Variants in GOLM1 observed in about 807,000 individuals in gnomAD.
GOLM1 encodes epididymis luminal protein 46.
A neutral mutation model predicts 50.5 loss-of-function variants in GOLM1; 31 were observed. The observed-to-expected ratio is 0.61, with a 90% CI of 0.46 to 0.83. GOLM1 has a LOEUF of 0.83. Among genes scored for constraint, GOLM1 ranks in the 40% least tolerant of loss-of-function variants. GOLM1 has a pLI of 0.00. For synonymous variants in GOLM1, 178 were observed against 192.8 expected (o/e 0.92, Z 0.64); for missense variants, 491 against 501.3 (o/e 0.98, Z 0.20).
intron 1 of GOLM1, among the ~76,000 whole-genome samples, chr9:86,091,903 C>A (rs1835196855): frequency 6.6e-6 from 1 of 152,216 alleles, no homozygotes; most frequent in South Asian, 2.1e-4. Context: ...TGAGCAGCTA[C>A]CATGAGTCAG....
At chr9:86,099,364 GA>G (rs1563972664) in intron 1 of GOLM1, 46 bp downstream of exon 1, 1 of 151,744 alleles carries the variant, frequency 6.6e-6, no homozygotes, top group African/African-American at 2.4e-5. Flanking sequence ...GGGAGGAAGC[GA>G]TGGACCGCGG....
chr9:86,039,665 CTCAG>C (rs1413692626), intron 6 of GOLM1, among the ~76,000 whole-genome samples: 2 of 152,118 alleles, frequency 1.3e-5, no homozygotes, highest in African/African-American at 4.8e-5. Flanking sequence ...GGTATTCATA[CTCAG>C]TCAAAGATAC....
chr9:86,054,413 G>A (rs536571581), intron 3 of GOLM1, among the ~76,000 whole-genome samples: 25 of 152,170 alleles, frequency 1.6e-4, no homozygotes, highest in East Asian at 7.7e-4. Context: ...GAGTAGAGAT[G>A]GGGTTTCACC....
At position 86,035,576 on chromosome 9, in the gene GOLM1, C is replaced by A; in HGVS notation, c.807G>T (p.Arg269Ser). The A allele has an allele frequency of 6.2e-7, 1 of 1,608,114 alleles. No homozygotes were observed. Residue 269 changes from arginine to serine, a missense_variant, in exon 8 of 10, where the codon AGG becomes AGT. Physicochemically the swap from Arg to Ser is moderately radical, Grantham distance 110 (BLOSUM62 -1). Coordinates refer to ENST00000388712, the MANE Select transcript of GOLM1 (RefSeq NM_016548.4). ...GCTCCCGGCCTGGCTCCTGCGGCAG[C>A]CTGTCCCTCTGAGGCTCCTCATTCA... is the stretch of plus-strand genomic sequence containing the variant. ...QVVNEEPQRD[R>S]LPQEPGREQV... is the part of the protein sequence containing the mutation.
chr9:86,031,449 GT>G (rs774806772), intron 9 of GOLM1, among the ~76,000 whole-genome samples: 2,564 of 79,552 alleles, frequency 0.032, 67 homozygotes, highest in East Asian at 0.26. Context: ...TACCACTGAG[GT>G]TTTTTTTTTT....
At chr9:86,090,786 CAAAAAAAAAAA>C (rs776381865) in intron 1 of GOLM1, among the ~76,000 whole-genome samples, 9 of 41,276 alleles carry the variant, frequency 2.2e-4, no homozygotes, top group African/African-American at 3.0e-4. Context: ...ACTGGGGTAC[CAAAAAAAAAAA>C]AAAAAAAAAA....
chr9:86,087,702 G>A (rs2118885522), intron 1 of GOLM1, among the ~76,000 whole-genome samples: 1 of 152,320 alleles, frequency 6.6e-6, no homozygotes, highest in Non-Finnish European at 1.5e-5. Flanking sequence ...AGAGAACCAT[G>A]TGGTTTTTGC....
rs1832812628 is a variant in GOLM1, at chr9:86,027,219, C to T, written c.*598G>A. 1 of 985,296 alleles carries T rather than the reference C, an allele frequency of 1.0e-6. No individual in the cohort carries two copies. The highest frequency in any genetic ancestry group is 1.2e-6 in the Non-Finnish European group (1 of 829,920). 61.0% of individuals were successfully genotyped at this position (985,296 alleles called of 1,614,324 possible). Reference sequence around the variant, plus strand: ...TATACAAGTAGCCTTTTAAAAAATTCTCACACAGAACAGCTTTGTATTTAG... The same window carrying T: ...TATACAAGTAGCCTTTTAAAAAATTTTCACACAGAACAGCTTTGTATTTAG... On this transcript the variant is annotated 3_prime_UTR_variant, in exon 10 of 10. Coordinates refer to ENST00000388712, the MANE Select transcript of GOLM1 (RefSeq NM_016548.4).
chr9:86,027,490 C>T lies in GOLM1; in HGVS notation c.*327G>A. On this transcript the variant is annotated 3_prime_UTR_variant, in exon 10 of 10. Transcript: ENST00000388712. ...TTCTATAGGTGGCTGTTAATTTACA[C>T]AAAGTTATATTCCAGAATCAGGAAG... 1 of 1,112,230 alleles carries T rather than the reference C, an allele frequency of 9.0e-7. No homozygotes were observed. Among genetic ancestry groups the T allele is most frequent in the Non-Finnish European group, 1.1e-6 (1 of 910,418 alleles). 68.9% of individuals were successfully genotyped at this position (1,112,230 alleles called of 1,614,324 possible). A position where few individuals can be genotyped will look rare whatever the true frequency, so the allele number is the denominator to read the frequency against.
At chr9:86,057,986 T>G (rs1356330367) in intron 3 of GOLM1, among the ~76,000 whole-genome samples, 1 of 152,244 alleles carries the variant, frequency 6.6e-6, no homozygotes, top group Non-Finnish European at 1.5e-5. Context: ...GTCAACCCTC[T>G]GCAATCAGAT....
At chr9:86,070,696 T>G (rs1340456595) in intron 3 of GOLM1, among the ~76,000 whole-genome samples, 1 of 152,190 alleles carries the variant, frequency 6.6e-6, no homozygotes, top group East Asian at 1.9e-4. Flanking sequence ...ATCCAGTAAG[T>G]ACTGGTACAT....
Position 86,046,480 on chromosome 9 carries a change from A to G in GOLM1, c.457T>C (p.Ser153Pro). ...CTGAGGTGTACTCACAGGTCGTAGGAGAACTTCCTCTCCAGGTTGGTCTGG... is the reference window on the plus strand; with the variant it reads ...CTGAGGTGTACTCACAGGTCGTAGGGGAACTTCCTCTCCAGGTTGGTCTGG... The part of the protein sequence containing the change: ...KNQTNLERKF[S>P]YDLSQCINQM... Residue 153 changes from serine to proline, a missense_variant, in exon 5 of 10, where the codon TCC becomes CCC. Transcript: ENST00000388712. 2.5e-6 allele frequency: 4 copies of G among 1,603,786 alleles called. No individual in the cohort carries two copies. Among genetic ancestry groups the G allele is most frequent in the Non-Finnish European group, 3.4e-6 (4 of 1,170,530 alleles).
chr9:86,029,574 G>A (rs1024074811), intron 9 of GOLM1, among the ~76,000 whole-genome samples: 1 of 152,166 alleles, frequency 6.6e-6, no homozygotes, highest in Non-Finnish European at 1.5e-5. Context: ...CACATTAAAT[G>A]GTAGTTTAAT....
chr9:86,035,372 C>T lies in GOLM1; in HGVS notation c.1011G>A (p.Gly337=). The T allele has an allele frequency of 6.2e-7, 1 of 1,613,312 alleles. No individual in the cohort carries two copies. Among genetic ancestry groups the T allele is most frequent in the Non-Finnish European group, 8.5e-7 (1 of 1,179,840 alleles). ...DGQEEEQEAA[G]EGRNQQKLRG... is the part of the protein sequence containing the mutation. ...CCCCCGAAACTTCACACCCACCTTC[C>T]CCGGCAGCTTCCTGCTCCTCCTCCT... Residue 337 remains glycine (G), a synonymous_variant, in exon 8 of 10, where the codon GGG becomes GGA. Coordinates refer to ENST00000388712, the MANE Select transcript of GOLM1 (RefSeq NM_016548.4).
intron 5 of GOLM1, among the ~76,000 whole-genome samples, chr9:86,042,515 G>A (rs1453715677): frequency 6.6e-6 from 1 of 152,166 alleles, no homozygotes; most frequent in Non-Finnish European, 1.5e-5. Flanking sequence ...AGGGAACCAG[G>A]TGCTATGGAA....
chr9:86,040,199 C>G (rs2118669131), intron 6 of GOLM1, among the ~76,000 whole-genome samples: 2 of 152,196 alleles, frequency 1.3e-5, no homozygotes, highest in East Asian at 3.9e-4. Flanking sequence ...ATACTCAGAA[C>G]CCATGAATTG....
intron 4 of GOLM1, among the ~76,000 whole-genome samples, chr9:86,050,401 C>T (rs1833705376): frequency 1.3e-5 from 2 of 152,134 alleles, no homozygotes; most frequent in Non-Finnish European, 2.9e-5. Flanking sequence ...AGGGAGGATT[C>T]CCTCTTTTTC....
At chr9:86,082,250 T>A (rs2118864978) in intron 1 of GOLM1, among the ~76,000 whole-genome samples, 1 of 151,472 alleles carries the variant, frequency 6.6e-6, no homozygotes, top group Non-Finnish European at 1.5e-5. Flanking sequence ...ATGGTCTTGA[T>A]CTCCTGACCT....
At position 86,032,127 on chromosome 9, in the gene GOLM1, G is replaced by A. The variant is rs114223579; in HGVS notation, c.1129+1155C>T. On this transcript the variant is annotated intron_variant, in intron 9 of 9. Coordinates refer to ENST00000388712, the MANE Select transcript of GOLM1 (RefSeq NM_016548.4). ...CTCCCCCATGACTCTATAATCAGCA[G>A]TATTCAGGCTGTGGGAAACTACAGT... Among the ~76,000 whole-genome samples, 602 of 152,106 alleles carry A rather than the reference G, an allele frequency of 4.0e-3. 2 individuals are homozygous for A. Among genetic ancestry groups the A allele is most frequent in the African/African-American group, 0.014 (572 of 41,490 alleles).
Sources: gnomAD v4.1 joint callset for allele counts (sites outside exome capture counted in the v4.1 genomes callset) on GRCh38, gnomAD v4.1.1 for gene constraint, MANE v1.5 for transcripts, NCBI Gene and HGNC (gene_info 2026-07-23, HGNC 2026-07-21) for gene names.